The following AUNIP variants were observed in gnomAD, a reference collection of about 807,000 sequenced individuals.
The protein encoded by AUNIP is aurora kinase A- and ninein-interacting protein.
In AUNIP, 16 loss-of-function variants were observed where a neutral mutation model predicts 12.2. That is an observed-to-expected ratio of 1.31 (90% confidence interval 0.88 to 1.99). The LOEUF is 1.99. Ranked by LOEUF, AUNIP falls within the 30% of genes most tolerant of loss-of-function variation. The probability of loss-of-function intolerance (pLI) is 0.00; values close to 1 mark genes in which losing one functional copy is unlikely to be tolerated. For missense variants in AUNIP, 411 were observed against 419.1 expected (o/e 0.98, Z 0.17); for synonymous variants, 142 against 154.8 (o/e 0.92, Z 0.61).
At position 25,835,291 on chromosome 1, in the gene AUNIP, A is replaced by T; in HGVS notation, c.776T>A (p.Ile259Lys). The change falls in exon 3 of 3, where the codon ATA (isoleucine) becomes AAA (lysine). Residue 259 changes from isoleucine (I) to lysine (K), a missense_variant. Coordinates refer to ENST00000374298, the MANE Select transcript of AUNIP (RefSeq NM_024037.3). ...ACTACGGCTTTGTTTCACTGATTCTATGTTTTCTCCATTCCAGGATTCCCT... is the reference window on the plus strand; with the variant it reads ...ACTACGGCTTTGTTTCACTGATTCTTTGTTTTCTCCATTCCAGGATTCCCT... Reference protein sequence around the residue: ...TYRESWNGENIESVKQSRSPV... With the variant: ...TYRESWNGENKESVKQSRSPV... 1 of 1,614,118 alleles carries T rather than the reference A, an allele frequency of 6.2e-7. No individual in the cohort carries two copies. Among genetic ancestry groups the T allele is most frequent in the South Asian group, 1.1e-5 (1 of 91,076 alleles).
At chr1:25,841,803 C>T (rs1253989921) in intron 1 of AUNIP, among the ~76,000 whole-genome samples, 4 of 152,230 alleles carry the variant, frequency 2.6e-5, no homozygotes, top group Middle Eastern at 3.4e-3. Flanking sequence ...AGATTACAGG[C>T]GTGAGCCACT....
chr1:25,853,678 C>T (rs1458579088), intron 1 of AUNIP, among the ~76,000 whole-genome samples: 1 of 152,170 alleles, frequency 6.6e-6, no homozygotes, highest in Non-Finnish European at 1.5e-5. Context: ...GTGGTTCTGG[C>T]TCAGGGTCTC....
intron 1 of AUNIP, among the ~76,000 whole-genome samples, chr1:25,846,799 C>G (rs1345934440): frequency 6.6e-6 from 1 of 152,218 alleles, no homozygotes; most frequent in African/African-American, 2.4e-5. Flanking sequence ...TGTACATTTA[C>G]TCTCAGTTTT....
chr1:25,846,158 G>A (rs1381541798), intron 1 of AUNIP, among the ~76,000 whole-genome samples: 1 of 152,148 alleles, frequency 6.6e-6, no homozygotes, highest in Non-Finnish European at 1.5e-5. Flanking sequence ...GGCGGCTCAC[G>A]CCTGTAATCC....
intron 1 of AUNIP, among the ~76,000 whole-genome samples, chr1:25,849,274 C>T (rs555355566): frequency 5.3e-5 from 8 of 152,196 alleles, no homozygotes; most frequent in Non-Finnish European, 1.2e-4. Flanking sequence ...ATACAATTCA[C>T]ATACCATAAA....
At chr1:25,839,377 G>A (rs573684609) in intron 1 of AUNIP, among the ~76,000 whole-genome samples, 2 of 152,282 alleles carry the variant, frequency 1.3e-5, no homozygotes, top group East Asian at 1.9e-4. Flanking sequence ...TGTATTAGGT[G>A]AAACCCCACA....
Position 25,843,623 on chromosome 1 carries a change from A to G in AUNIP, c.79-6069T>C, listed in dbSNP as rs866875406. Among the ~76,000 whole-genome samples the G allele has an allele frequency of 2.0e-3, 280 of 138,142 alleles. 5 individuals carry two copies. The highest frequency in any genetic ancestry group is 8.6e-3 in the African/African-American group (261 of 30,498). The allele number at this position is 138,142 out of a possible 152,430, so 90.6% of individuals were successfully genotyped here. On this transcript the variant is annotated intron_variant, in intron 1 of 2. Coordinates refer to ENST00000374298, the MANE Select transcript of AUNIP (RefSeq NM_024037.3). The stretch of plus-strand genomic sequence containing the variant: ...AAAAAAAAAAAAAAAAAAAAAAAAA[A>G]GGGATTCATGATTCATGGGAGGAGG...
At position 25,836,090 on chromosome 1, in the gene AUNIP, C is replaced by G. The variant is rs767205177; in HGVS notation, c.221-244G>C. Among the ~76,000 whole-genome samples the G allele has an allele frequency of 6.6e-5, 10 of 152,340 alleles. 1 individual carries two copies. In the Middle Eastern group the frequency reaches 0.017, roughly 259 times the overall value. On this transcript the variant is annotated intron_variant, in intron 2 of 2. Coordinates refer to ENST00000374298, the MANE Select transcript of AUNIP (RefSeq NM_024037.3). ...TACATGGATACTTCCCATCACCTAC[C>G]TAATAAAGTCAAACATCGCATACGA... is the stretch of plus-strand genomic sequence containing the variant.
chr1:25,849,346 C>T (rs761933103), intron 1 of AUNIP, among the ~76,000 whole-genome samples: 66 of 152,240 alleles, frequency 4.3e-4, no homozygotes, highest in African/African-American at 1.3e-3. Context: ...TAATTATCAC[C>T]GAATCTAACT....
rs2048489628 is a variant in AUNIP, at chr1:25,859,414, G to A, written c.-57C>T. The A allele has an allele frequency of 1.4e-6, 2 of 1,412,026 alleles. No individual in the cohort carries two copies. Among genetic ancestry groups the A allele is most frequent in the East Asian group, 3.0e-5 (1 of 33,648 alleles). The allele number at this position is 1,412,026 out of a possible 1,614,324, so 87.5% of individuals were successfully genotyped here. A position where few individuals can be genotyped will look rare whatever the true frequency, so the allele number is the denominator to read the frequency against. ...CGGCGCAGGCTCCCGGCGCCTCAGG[G>A]AACGCCAGAACCGCGGCCGCCGACG... On this transcript the variant is annotated 5_prime_UTR_variant, in exon 1 of 3. Transcript: ENST00000374298.
At chr1:25,855,669 G>A (rs749949324) in intron 1 of AUNIP, among the ~76,000 whole-genome samples, 4 of 152,102 alleles carry the variant, frequency 2.6e-5, no homozygotes, top group African/African-American at 9.7e-5. Context: ...ATTCTGTTTA[G>A]AGATCAAGGG....
In AUNIP at chr1:25,834,744, C is replaced by T. The variant is rs2124492889; in HGVS notation, c.*249G>A. On this transcript the variant is annotated 3_prime_UTR_variant, in exon 3 of 3. Coordinates refer to ENST00000374298, the MANE Select transcript of AUNIP (RefSeq NM_024037.3). ...GAGATAAATACCCACTGTGCTGCCT[C>T]AGTGTTCATCATAGACTCATTCAGG... 4 of 1,347,608 alleles carry T rather than the reference C, an allele frequency of 3.0e-6. No individual in the cohort carries two copies. Among genetic ancestry groups the T allele is most frequent in the African/African-American group, 1.5e-5 (1 of 68,410 alleles). 83.5% of individuals were successfully genotyped at this position (1,347,608 alleles called of 1,614,324 possible). A position where few individuals can be genotyped will look rare whatever the true frequency, so the allele number is the denominator to read the frequency against.
At position 25,835,276 on chromosome 1, in the gene AUNIP, T is replaced by C; in HGVS notation, c.791A>G (p.Gln264Arg). 1 of 1,614,212 alleles carries C rather than the reference T, an allele frequency of 6.2e-7. No individual in the cohort carries two copies. The highest frequency in any genetic ancestry group is 8.5e-7 in the Non-Finnish European group (1 of 1,180,014). Residue 264 changes from glutamine (Q) to arginine (R), a missense_variant, in exon 3 of 3, where the codon CAA (glutamine) becomes CGA (arginine). Coordinates refer to ENST00000374298, the MANE Select transcript of AUNIP (RefSeq NM_024037.3). ...WNGENIESVK[Q>R]SRSPVSVFSW... Reference sequence around the variant, plus strand: ...AAACACAGAAACTGGACTACGGCTTTGTTTCACTGATTCTATGTTTTCTCC... The same window carrying C: ...AAACACAGAAACTGGACTACGGCTTCGTTTCACTGATTCTATGTTTTCTCC...
downstream of AUNIP, chr1:25,833,861 C>G (rs1320269723): frequency 3.4e-6 from 1 of 295,068 alleles, no homozygotes; most frequent in African/African-American, 2.3e-5. Flanking sequence ...ACATCAACAA[C>G]AAGGAATAAT....
downstream of AUNIP, among the ~76,000 whole-genome samples, chr1:25,833,142 T>C (rs1214109861): frequency 3.3e-5 from 5 of 152,190 alleles, no homozygotes; most frequent in African/African-American, 1.2e-4. Context: ...TTAGAAACAG[T>C]ATCTAGCTCT....
rs370513605 is a variant in AUNIP at position 25,835,343 on chromosome 1, G to A, written c.724C>T (p.Gln242Ter). Reference sequence around the variant, plus strand: ...TATGTTTGAAGGAGGACAGGGGCCTGCCTGTTTTCTTTGGCAGACACCTTT... The same window carrying A: ...TATGTTTGAAGGAGGACAGGGGCCTACCTGTTTTCTTTGGCAGACACCTTT... The part of the protein sequence containing the change: ...ERKVSAKENR[Q>*]APVLLQTYRE... The change falls in exon 3 of 3, where the codon CAG becomes TAG. Residue 242 changes from glutamine to a stop codon, truncating the protein, a stop_gained. Coordinates refer to ENST00000374298, the MANE Select transcript of AUNIP (RefSeq NM_024037.3). LOFTEE classifies it low-confidence loss of function (END_TRUNC). 1.9e-6 allele frequency: 3 copies of A among 1,614,110 alleles called. No individual in the cohort carries two copies. Among genetic ancestry groups the A allele is most frequent in the African/African-American group, 2.7e-5 (2 of 74,940 alleles).
At chr1:25,846,878 C>T (rs1175383073) in intron 1 of AUNIP, among the ~76,000 whole-genome samples, 2 of 152,340 alleles carry the variant, frequency 1.3e-5, no homozygotes, top group East Asian at 3.9e-4. Flanking sequence ...TCCATTATAG[C>T]AGTGGCTGCA....
At chr1:25,845,271 C>T (rs1259963586) in intron 1 of AUNIP, among the ~76,000 whole-genome samples, 1 of 152,200 alleles carries the variant, frequency 6.6e-6, no homozygotes, top group Non-Finnish European at 1.5e-5. Flanking sequence ...GCTGTGATCA[C>T]GTCATCTTGC....
At chr1:25,836,600 T>C (rs774756677) in intron 2 of AUNIP, among the ~76,000 whole-genome samples, 8 of 152,254 alleles carry the variant, frequency 5.3e-5, no homozygotes, top group Non-Finnish European at 8.8e-5. Context: ...TGATTTCCTC[T>C]TTCCTTCTAC....
Sources: allele counts gnomAD v4.1 joint callset (sites outside exome capture counted in the v4.1 genomes callset), GRCh38; gene constraint gnomAD v4.1.1; transcripts MANE v1.5; gene names NCBI Gene and HGNC (gene_info 2026-07-23, HGNC 2026-07-21).